Variants in NIPSNAP1 observed in about 807,000 individuals in gnomAD.
NIPSNAP1 encodes nipsnap homolog 1.
NIPSNAP1 carries 25 observed loss-of-function variants against 49.2 expected under a neutral mutation model. The ratio of observed to expected loss-of-function variants is 0.51; its 90% confidence interval spans 0.37 to 0.71. NIPSNAP1 has a LOEUF of 0.71. NIPSNAP1 is among the 30% of genes least tolerant of loss of function. The probability of loss-of-function intolerance (pLI) is 0.00; values close to 1 mark genes in which losing one functional copy is unlikely to be tolerated. For synonymous variants in NIPSNAP1, 143 were observed against 140.7 expected (o/e 1.02, Z -0.12); for missense variants, 294 against 361.0 (o/e 0.81, Z 1.50).
At chr22:29,564,912 G>A (rs887857140) in intron 4 of NIPSNAP1, among the ~76,000 whole-genome samples, 11 of 152,120 alleles carry the variant, frequency 7.2e-5, no homozygotes, top group African/African-American at 1.9e-4. Flanking sequence ...TCAGCCAGGC[G>A]CAGTGGCTCA....
chr22:29,564,580 AT>A (rs2064357176), intron 4 of NIPSNAP1, among the ~76,000 whole-genome samples: 1 of 151,900 alleles, frequency 6.6e-6, no homozygotes, highest in Non-Finnish European at 1.5e-5. Flanking sequence ...CGCCCAGCTA[AT>A]TTTTGTATTT....
intron 1 of NIPSNAP1, among the ~76,000 whole-genome samples, chr22:29,573,376 G>C (rs2064425083): frequency 1.3e-5 from 2 of 152,140 alleles, no homozygotes; most frequent in African/African-American, 4.8e-5. Flanking sequence ...ATGAGAAATG[G>C]GCCGGGCATG....
chr22:29,556,093 AG>A, intron 9 of NIPSNAP1, 94 bp from the exon 10 acceptor site: 1 of 1,066,538 alleles, frequency 9.4e-7, no homozygotes, highest in Non-Finnish European at 1.4e-6. Context: ...TTGAGTGGGC[AG>A]GAGGAGGCCC....
chr22:29,562,136 TA>T (rs1250842360), intron 4 of NIPSNAP1, among the ~76,000 whole-genome samples: 1 of 152,130 alleles, frequency 6.6e-6, no homozygotes, highest in African/African-American at 2.4e-5. Context: ...AAAATGGGAA[TA>T]ATGTTCCCAC....
At chr22:29,577,640 C>G (rs919130529) in intron 1 of NIPSNAP1, among the ~76,000 whole-genome samples, 6 of 151,192 alleles carry the variant, frequency 4.0e-5, no homozygotes, top group Non-Finnish European at 5.9e-5. Flanking sequence ...GGTCGAACTC[C>G]TGACCTCAGG....
At position 29,570,415 on chromosome 22, in the gene NIPSNAP1, A is replaced by G. The variant is rs2146611666; in HGVS notation, c.216T>C (p.Tyr72=). The change falls in exon 2 of 10, where the codon TAT becomes TAC. Residue 72 remains tyrosine, a synonymous_variant. Transcript: ENST00000216121. ...TCAGCAGCCACTCACACTGGATCTT[A>G]TAGAGGTTGCTGGTTTCCTTCTTGG... is the stretch of plus-strand genomic sequence containing the variant. The part of the protein sequence containing the change: ...LLSKKETSNL[Y]KIQFHNVKPE... The G allele has an allele frequency of 6.2e-7, 1 of 1,614,124 alleles. No individual in the cohort carries two copies.
rs1411311151 is a variant in NIPSNAP1 at position 29,576,105 on chromosome 22, A to G, written c.98+4880T>C. Reference sequence around the variant, plus strand: ...GTAATCTCAGCTCACTGCAACCTCCACCTCCTGGGTTCAAGCGATTCTCTT... The same window carrying G: ...GTAATCTCAGCTCACTGCAACCTCCGCCTCCTGGGTTCAAGCGATTCTCTT... On this transcript the variant is annotated intron_variant, in intron 1 of 9. Coordinates refer to ENST00000216121, the MANE Select transcript of NIPSNAP1 (RefSeq NM_003634.4). 8.7e-3 allele frequency among the ~76,000 whole-genome samples: 1,245 copies of G among 142,830 alleles called. 22 individuals carry two copies. The highest frequency in any genetic ancestry group is 0.032 in the African/African-American group (1,170 of 36,212). The allele number at this position is 142,830 out of a possible 152,430, so 93.7% of individuals were successfully genotyped here. A position where few individuals can be genotyped will look rare whatever the true frequency, so the allele number is the denominator to read the frequency against.
At position 29,569,186 on chromosome 22, in the gene NIPSNAP1, G is replaced by A. The variant is rs770208785; in HGVS notation, c.367+7C>T. The A allele has an allele frequency of 1.5e-5, 24 of 1,612,734 alleles. No homozygotes were observed. The highest frequency in any genetic ancestry group is 6.7e-5 in the Admixed American group (4 of 59,932). On this transcript the variant is annotated splice_region_variant and intron_variant, in intron 4 of 9. Coordinates refer to ENST00000216121, the MANE Select transcript of NIPSNAP1 (RefSeq NM_003634.4). Reference sequence around the variant, plus strand: ...TGGCAATGGCACTAGGGAGGTGAGCGCCTTACCTGCCTGGTCCTGCTCCCC... The same window carrying A: ...TGGCAATGGCACTAGGGAGGTGAGCACCTTACCTGCCTGGTCCTGCTCCCC...
At chr22:29,575,703 A>C (rs1490933273) in intron 1 of NIPSNAP1, among the ~76,000 whole-genome samples, 7 of 128,374 alleles carry the variant, frequency 5.5e-5, no homozygotes, top group Non-Finnish European at 1.0e-4. Flanking sequence ...GCTTGAACCC[A>C]GGAGTTGTTT....
chr22:29,558,837 T>C, intron 9 of NIPSNAP1, 33 bp downstream of exon 9: 3 of 1,489,610 alleles, frequency 2.0e-6, no homozygotes, highest in Non-Finnish European at 2.8e-6. Context: ...CAGACAGGGT[T>C]CTCAGCAGAA....
chr22:29,564,522 T>C (rs889610145), intron 4 of NIPSNAP1, among the ~76,000 whole-genome samples: 2 of 152,302 alleles, frequency 1.3e-5, no homozygotes, highest in South Asian at 2.1e-4. Flanking sequence ...TAAGAGACTG[T>C]CCTGCCTATG....
At position 29,571,588 on chromosome 22, in the gene NIPSNAP1, C is replaced by T. The variant is rs1453753940; in HGVS notation, c.99-1056G>A. Among the ~76,000 whole-genome samples, 5 of 152,132 alleles carry T rather than the reference C, an allele frequency of 3.3e-5. No individual in the cohort carries two copies. The East Asian group carries it at 5.8e-4, about 18-fold the overall frequency. Reference sequence around the variant, plus strand: ...CTTATTTTGAGACTACCAATCTTCCCGCTCCACAGCCTTGGTGCAGCTTGC... The same window carrying T: ...CTTATTTTGAGACTACCAATCTTCCTGCTCCACAGCCTTGGTGCAGCTTGC... On this transcript the variant is annotated intron_variant, in intron 1 of 9. Transcript: ENST00000216121.
chr22:29,571,533 T>C (rs764794986), intron 1 of NIPSNAP1, among the ~76,000 whole-genome samples: 3 of 152,174 alleles, frequency 2.0e-5, no homozygotes, highest in Non-Finnish European at 4.4e-5. Flanking sequence ...CCTAAACACA[T>C]ACCCAAGGTC....
intron 1 of NIPSNAP1, among the ~76,000 whole-genome samples, chr22:29,577,419 AT>A (rs695552): frequency 0.16 from 22,141 of 138,430 alleles, 2,352 homozygotes; most frequent in East Asian, 0.57. Context: ...TGCCTGGCTA[AT>A]TTTTTTTTTT....
At chr22:29,575,710 GT>G (rs55772657) in intron 1 of NIPSNAP1, among the ~76,000 whole-genome samples, 461 of 146,666 alleles carry the variant, frequency 3.1e-3, no homozygotes, top group East Asian at 0.022. Flanking sequence ...CCCAGGAGTT[GT>G]TTTTTTTTTT....
chr22:29,574,289 A>AAAAGAAAAAG lies in NIPSNAP1; in HGVS notation c.99-3758_99-3757insCTTTTTCTTT, dbSNP rs1555973594. 3.0e-4 allele frequency among the ~76,000 whole-genome samples: 37 copies of AAAAGAAAAAG among 125,260 alleles called. 1 individual carries two copies. The highest frequency in any genetic ancestry group is 1.1e-3 in the African/African-American group (35 of 30,490). 82.2% of individuals were successfully genotyped at this position (125,260 alleles called of 152,430 possible). On this transcript the variant is annotated intron_variant, in intron 1 of 9. Transcript: ENST00000216121. ...AAAAAAAAAAAAAAAAAAAAAAAAA[A>AAAAGAAAAAG]AAAGAAAGAAAAAGAAAAGAAAATA...
At chr22:29,559,436 G>A (rs2064318566) in intron 8 of NIPSNAP1, among the ~76,000 whole-genome samples, 1 of 151,922 alleles carries the variant, frequency 6.6e-6, no homozygotes, top group South Asian at 2.1e-4. Flanking sequence ...ACTCAGGAGC[G>A]TGAGGCACGA....
rs9625833 is a variant in NIPSNAP1 at position 29,580,963 on chromosome 22, C to T, written c.98+22G>A. 14,277 of 1,524,364 alleles carry T rather than the reference C, an allele frequency of 9.4e-3. 1,188 individuals carry two copies. The African/African-American group carries it at 0.18, about 19-fold the overall frequency. 94.4% of individuals were successfully genotyped at this position (1,524,364 alleles called of 1,614,324 possible). A position where few individuals can be genotyped will look rare whatever the true frequency, so the allele number is the denominator to read the frequency against. ...TGCACCCCACCCCGCGCGCGTCTATCCCTGCCTGGCCGGGCTCTCACCGCG... is the reference window on the plus strand; with the variant it reads ...TGCACCCCACCCCGCGCGCGTCTATTCCTGCCTGGCCGGGCTCTCACCGCG... On this transcript the variant is annotated intron_variant, in intron 1 of 9. Coordinates refer to ENST00000216121, the MANE Select transcript of NIPSNAP1 (RefSeq NM_003634.4).
At chr22:29,579,704 A>C in intron 1 of NIPSNAP1, 1 of 196,198 alleles carries the variant, frequency 5.1e-6, no homozygotes, top group Non-Finnish European at 1.1e-5. Flanking sequence ...CTGGGATTAC[A>C]GGCATGAGCC....
Sources: gnomAD v4.1 joint callset for allele counts (sites outside exome capture counted in the v4.1 genomes callset) on GRCh38, gnomAD v4.1.1 for gene constraint, MANE v1.5 for transcripts, NCBI Gene and HGNC (gene_info 2026-07-23, HGNC 2026-07-21) for gene names.